The following FAM216A variants were observed in gnomAD, a reference collection of about 807,000 sequenced individuals.
The protein encoded by FAM216A is protein FAM216A.
Under a neutral mutation model 37.6 loss-of-function variants are expected in FAM216A, and 26 were observed. The observed-to-expected ratio is 0.69, with a 90% CI of 0.51 to 0.96. The LOEUF is 0.96. Ranked by LOEUF, FAM216A falls within the 40% of genes least tolerant of loss-of-function variation. FAM216A has a pLI of 0.00. For synonymous variants in FAM216A, 110 were observed against 121.7 expected, an observed-to-expected ratio of 0.90 and a Z score of 0.64; for missense variants, 326 against 339.3, an observed-to-expected ratio of 0.96 and a Z score of 0.31.
upstream of FAM216A, chr12:110,468,459 T>A (rs2062653832): frequency 6.5e-7 from 1 of 1,537,014 alleles, no homozygotes; most frequent in East Asian, 2.4e-5. Flanking sequence ...GGATGCTGTC[T>A]AAGCTTGGAT....
chr12:110,478,954 C>T (rs1365825019), intron 2 of FAM216A, among the ~76,000 whole-genome samples: 5 of 150,444 alleles, frequency 3.3e-5, no homozygotes, highest in Middle Eastern at 3.2e-3. Flanking sequence ...TTTGGGAGGC[C>T]GAGGCGGGTG....
At chr12:110,486,482 C>G (rs771573653) in intron 4 of FAM216A, 28 bp downstream of exon 4, 42 of 1,607,204 alleles carry the variant, frequency 2.6e-5, no homozygotes, top group Non-Finnish European at 3.6e-5. Context: ...TGTCTTTTCA[C>G]TAGTTTTTAC....
intron 2 of FAM216A, among the ~76,000 whole-genome samples, chr12:110,481,189 T>G (rs915191344): frequency 6.6e-6 from 1 of 152,218 alleles, no homozygotes; most frequent in Non-Finnish European, 1.5e-5. Flanking sequence ...CTTGGGTTTC[T>G]TCCACTTTTT....
intron 2 of FAM216A, among the ~76,000 whole-genome samples, chr12:110,483,717 C>T (rs563281018): frequency 6.6e-6 from 1 of 152,162 alleles, no homozygotes; most frequent in Non-Finnish European, 1.5e-5. Flanking sequence ...ACTTGGGGTG[C>T]TGAGGCAGGA....
intron 2 of FAM216A, among the ~76,000 whole-genome samples, chr12:110,483,758 C>T (rs2062761173): frequency 6.6e-6 from 1 of 152,146 alleles, no homozygotes; most frequent in South Asian, 2.1e-4. Context: ...GTGGAGGTTG[C>T]AGTGAGCTGA....
chr12:110,468,826 G>A (rs777070257), upstream of FAM216A: 6 of 1,466,272 alleles, frequency 4.1e-6, no homozygotes, highest in South Asian at 4.0e-5. Flanking sequence ...CATCCGAGCC[G>A]CCTCTCCGGA....
rs762250340 is a variant in FAM216A at position 110,473,063 on chromosome 12, T to A, written c.144-15T>A. On this transcript the variant is annotated splice_polypyrimidine_tract_variant and intron_variant, in intron 1 of 6. Coordinates refer to ENST00000377673, the MANE Select transcript of FAM216A (RefSeq NM_013300.3). The stretch of plus-strand genomic sequence containing the variant: ...AATTATTACATATTATTTATATGCT[T>A]TATTTTTTCAACAGATCAGCTGGAT... 2.0e-5 allele frequency: 30 copies of A among 1,476,228 alleles called. No individual in the cohort carries two copies. The highest frequency in any genetic ancestry group is 2.1e-5 in the Non-Finnish European group (23 of 1,071,748). 91.4% of individuals were successfully genotyped at this position (1,476,228 alleles called of 1,614,324 possible).
intron 2 of FAM216A, among the ~76,000 whole-genome samples, chr12:110,479,891 A>T (rs1466026133): frequency 6.6e-6 from 1 of 151,922 alleles, no homozygotes; most frequent in Non-Finnish European, 1.5e-5. Flanking sequence ...CCTAGTAGTT[A>T]ATTAGAGATC....
At chr12:110,481,972 C>T (rs1264594326) in intron 2 of FAM216A, among the ~76,000 whole-genome samples, 1 of 152,120 alleles carries the variant, frequency 6.6e-6, no homozygotes, top group Admixed American at 6.6e-5. Context: ...TAGTATCCAA[C>T]TTGCCAAAAT....
chr12:110,472,283 C>T (rs1323243847), intron 1 of FAM216A, among the ~76,000 whole-genome samples: 1 of 151,374 alleles, frequency 6.6e-6, no homozygotes, highest in Non-Finnish European at 1.5e-5. Context: ...ACCCAAATCA[C>T]TTCATTAAAA....
At chr12:110,477,769 G>A (rs760017666) in intron 2 of FAM216A, among the ~76,000 whole-genome samples, 97 of 151,192 alleles carry the variant, frequency 6.4e-4, no homozygotes, top group Non-Finnish European at 1.1e-3. Context: ...GTGCAGTGGC[G>A]CAATCTCGGC....
intron 2 of FAM216A, among the ~76,000 whole-genome samples, chr12:110,483,113 C>T (rs1352174567): frequency 6.6e-6 from 1 of 151,562 alleles, no homozygotes; most frequent in Non-Finnish European, 1.5e-5. Flanking sequence ...ATCACGAGGT[C>T]AGGAGATCAA....
In FAM216A at chr12:110,468,853, G is replaced by C; in HGVS notation, c.-23G>C. The C allele has an allele frequency of 6.7e-7, 1 of 1,483,418 alleles. No homozygotes were observed. Among genetic ancestry groups the C allele is most frequent in the Non-Finnish European group, 9.0e-7 (1 of 1,116,140 alleles). 91.9% of individuals were successfully genotyped at this position (1,483,418 alleles called of 1,614,324 possible). ...CTCTCCGGAATACCAGCAGCCTGACGCACGCGTGCTGTCGGGGGAGGGATG... is the reference window on the plus strand; with the variant it reads ...CTCTCCGGAATACCAGCAGCCTGACCCACGCGTGCTGTCGGGGGAGGGATG... On this transcript the variant is annotated 5_prime_UTR_variant, in exon 1 of 7. Coordinates refer to ENST00000377673, the MANE Select transcript of FAM216A (RefSeq NM_013300.3).
chr12:110,471,166 C>A (rs1006715936), intron 1 of FAM216A, among the ~76,000 whole-genome samples: 1 of 152,012 alleles, frequency 6.6e-6, no homozygotes, highest in Non-Finnish European at 1.5e-5. Flanking sequence ...GTGATCTTGG[C>A]TCACTGCAAC....
intron 3 of FAM216A, 84 bp from the exon 4 acceptor site, chr12:110,486,239 CTT>C: frequency 7.2e-7 from 1 of 1,380,922 alleles, no homozygotes; most frequent in Non-Finnish European, 9.8e-7. Flanking sequence ...GCACAACTCT[CTT>C]GAACATTCAT....
At chr12:110,485,410 TATG>T (rs1284033173) in intron 3 of FAM216A, among the ~76,000 whole-genome samples, 3 of 152,200 alleles carry the variant, frequency 2.0e-5, no homozygotes, top group African/African-American at 4.8e-5. Flanking sequence ...TTCATGGTTT[TATG>T]ATACTTCATA....
At position 110,486,755 on chromosome 12, in the gene FAM216A, AGTT is replaced by A. The variant is rs750232584; in HGVS notation, c.620+39_620+41del. On this transcript the variant is annotated intron_variant, in intron 5 of 6. Coordinates refer to ENST00000377673, the MANE Select transcript of FAM216A (RefSeq NM_013300.3). Reference sequence around the variant, plus strand: ...GTGTAAAAGGGGGGAAATGCATCTCAGTTTAATTTTTTTTTTTCTCAGACAGGG... The same window carrying A: ...GTGTAAAAGGGGGGAAATGCATCTCATAATTTTTTTTTTTCTCAGACAGGG... The A allele has an allele frequency of 4.7e-5, 74 of 1,562,060 alleles. No homozygotes were observed. In the South Asian group the frequency reaches 8.2e-4, roughly 17 times the overall value.
intron 1 of FAM216A, among the ~76,000 whole-genome samples, chr12:110,472,163 G>A (rs1039259053): frequency 1.6e-4 from 25 of 151,992 alleles, no homozygotes; most frequent in Non-Finnish European, 2.4e-4. Flanking sequence ...CCTGGAAGGC[G>A]GAGGTTGCAG....
At chr12:110,468,769 A>G (rs2062657413), upstream of FAM216A, 1 of 1,474,264 alleles carries the variant, frequency 6.8e-7, no homozygotes, top group South Asian at 1.3e-5. Flanking sequence ...GCTCTCCCGA[A>G]GCTGTTCGGG....
Sources: allele counts gnomAD v4.1 joint callset (sites outside exome capture counted in the v4.1 genomes callset), GRCh38; gene constraint gnomAD v4.1.1; transcripts MANE v1.5; gene names NCBI Gene and HGNC (gene_info 2026-07-23, HGNC 2026-07-21).